CHCHD3: variants seen among roughly 807,000 people sequenced by gnomAD.
CHCHD3 encodes the protein coiled-coil-helix-coiled-coil-helix domain containing 3.
Under a neutral mutation model 38.2 loss-of-function variants are expected in CHCHD3, and 20 were observed. That is an observed-to-expected ratio of 0.52 (90% CI 0.37 to 0.76). The LOEUF (loss-of-function observed/expected upper bound fraction) is 0.76. Among genes scored for constraint, CHCHD3 ranks in the 30% least tolerant of loss-of-function variants. CHCHD3 has a pLI of 0.00. For missense variants in CHCHD3, 245 were observed against 279.2 expected, an observed-to-expected ratio of 0.88 and a Z score of 0.87; for synonymous variants, 82 against 100.0, an observed-to-expected ratio of 0.82 and a Z score of 1.07.
chr7:132,797,395 C>G (rs930961163), intron 6 of CHCHD3, among the ~76,000 whole-genome samples: 1 of 152,206 alleles, frequency 6.6e-6, no homozygotes, highest in Non-Finnish European at 1.5e-5. Context: ...CTCCACCCCC[C>G]AACCCTGGTA....
intron 5 of CHCHD3, among the ~76,000 whole-genome samples, chr7:132,880,067 A>C (rs1292056430): frequency 6.6e-6 from 1 of 152,172 alleles, no homozygotes; most frequent in Non-Finnish European, 1.5e-5. Context: ...TAATCAAATC[A>C]TAACGTCAGG....
intron 4 of CHCHD3, among the ~76,000 whole-genome samples, chr7:132,907,396 A>G (rs1387442485): frequency 6.6e-6 from 1 of 152,196 alleles, no homozygotes; most frequent in East Asian, 1.9e-4. Context: ...TACAATAAGG[A>G]CAGTAAATGC....
intron 6 of CHCHD3, among the ~76,000 whole-genome samples, chr7:132,800,428 G>A (rs775387154): frequency 2.0e-5 from 3 of 152,186 alleles, no homozygotes; most frequent in African/African-American, 7.2e-5. Context: ...TTCCACTGCT[G>A]CCTCTATTTT....
intron 4 of CHCHD3, among the ~76,000 whole-genome samples, chr7:132,897,545 A>G (rs569527837): frequency 8.9e-4 from 136 of 152,336 alleles, no homozygotes; most frequent in Non-Finnish European, 1.5e-3. Flanking sequence ...GAATTCTTGA[A>G]GGTCAGAAAG....
At chr7:132,853,881 A>G (rs1585573540) in intron 5 of CHCHD3, among the ~76,000 whole-genome samples, 1 of 152,336 alleles carries the variant, frequency 6.6e-6, no homozygotes, top group East Asian at 1.9e-4. Context: ...ACTGGGGAGT[A>G]GGACAGGGAA....
chr7:133,057,290 A>T (rs1271947945), intron 2 of CHCHD3, among the ~76,000 whole-genome samples: 1 of 152,246 alleles, frequency 6.6e-6, no homozygotes, highest in Non-Finnish European at 1.5e-5. Flanking sequence ...GGCCAGGCTC[A>T]ATGGCTCATG....
intron 6 of CHCHD3, among the ~76,000 whole-genome samples, chr7:132,819,913 G>A (rs1352160147): frequency 6.6e-6 from 1 of 152,204 alleles, no homozygotes; most frequent in Non-Finnish European, 1.5e-5. Context: ...GAACACTGAA[G>A]TGCATGAGAA....
At chr7:132,945,387 G>A (rs375954170) in intron 4 of CHCHD3, among the ~76,000 whole-genome samples, 1 of 151,910 alleles carries the variant, frequency 6.6e-6, no homozygotes, top group Non-Finnish European at 1.5e-5. Flanking sequence ...TAAAAGAATG[G>A]ATGAGATTTC....
chr7:132,955,399 T>A (rs2117295613), intron 4 of CHCHD3, among the ~76,000 whole-genome samples: 1 of 152,210 alleles, frequency 6.6e-6, no homozygotes, highest in East Asian at 1.9e-4. Context: ...AAAAAGTACT[T>A]GTTAGTTTTT....
At chr7:132,893,029 G>C (rs1809405647) in intron 4 of CHCHD3, among the ~76,000 whole-genome samples, 2 of 152,196 alleles carry the variant, frequency 1.3e-5, no homozygotes, top group African/African-American at 4.8e-5. Flanking sequence ...CTGCCTAGTG[G>C]ACCTGTGAGA....
At chr7:132,870,333 C>G (rs4728272) in intron 5 of CHCHD3, among the ~76,000 whole-genome samples, 96,691 of 145,314 alleles carry the variant, frequency 0.67, 32,412 homozygotes, top group Non-Finnish European at 0.69. Flanking sequence ...CTGGGTGACA[C>G]TGCGAGACCT....
At chr7:133,015,961 T>C (rs541392095) in intron 3 of CHCHD3, among the ~76,000 whole-genome samples, 2 of 151,656 alleles carry the variant, frequency 1.3e-5, no homozygotes, top group Non-Finnish European at 2.9e-5. Context: ...GGAGAGGGAC[T>C]GTCACACACT....
At chr7:132,982,908 A>G (rs1811956362) in intron 3 of CHCHD3, among the ~76,000 whole-genome samples, 1 of 152,228 alleles carries the variant, frequency 6.6e-6, no homozygotes, top group Non-Finnish European at 1.5e-5. Context: ...AAACTCACAG[A>G]TGAATCACAT....
intron 2 of CHCHD3, among the ~76,000 whole-genome samples, chr7:133,051,157 AT>A (rs1305305746): frequency 6.6e-6 from 1 of 152,198 alleles, no homozygotes; most frequent in African/African-American, 2.4e-5. Flanking sequence ...CATAACAACA[AT>A]TACACCTGCT....
chr7:133,013,661 A>C (rs1418067289), intron 3 of CHCHD3, among the ~76,000 whole-genome samples: 2 of 152,128 alleles, frequency 1.3e-5, no homozygotes, highest in Admixed American at 1.3e-4. Context: ...CTGACATGGG[A>C]AGAGAGATCA....
intron 5 of CHCHD3, among the ~76,000 whole-genome samples, chr7:132,860,316 A>AAGAG (rs60747145): frequency 0.49 from 65,938 of 134,264 alleles, 15,099 homozygotes; most frequent in East Asian, 0.68. Flanking sequence ...GAGAGAGAGA[A>AAGAG]AGAGAGAGAG....
intron 3 of CHCHD3, among the ~76,000 whole-genome samples, chr7:132,996,905 C>A (rs991390360): frequency 1.3e-5 from 2 of 152,226 alleles, no homozygotes; most frequent in Non-Finnish European, 2.9e-5. Context: ...CTACATGCTA[C>A]ACAAATGTTT....
At chr7:133,027,823 C>G (rs1055225292) in intron 2 of CHCHD3, among the ~76,000 whole-genome samples, 2 of 152,058 alleles carry the variant, frequency 1.3e-5, no homozygotes, top group African/African-American at 4.8e-5. Context: ...TTTAAACGAT[C>G]CAAATAAAAG....
At chr7:132,859,505 TG>T (rs1164498323) in intron 5 of CHCHD3, among the ~76,000 whole-genome samples, 1 of 152,244 alleles carries the variant, frequency 6.6e-6, no homozygotes, top group Non-Finnish European at 1.5e-5. Context: ...TTTCACCCTA[TG>T]TAAATTAAAT....
Sources: allele counts gnomAD v4.1 joint callset (sites outside exome capture counted in the v4.1 genomes callset), GRCh38; gene constraint gnomAD v4.1.1; transcripts MANE v1.5; gene names NCBI Gene and HGNC (gene_info 2026-07-23, HGNC 2026-07-21).